Variants in EYS observed in about 807,000 individuals in gnomAD.
EYS encodes EGF-like photoreceptor maintenance factor.
EYS carries 250 observed loss-of-function variants against 282.1 expected under a neutral mutation model. That is an observed-to-expected ratio of 0.89 (90% confidence interval 0.80 to 0.98). The LOEUF (loss-of-function observed/expected upper bound fraction) is 0.98, where lower values mean the gene tolerates loss of function less well. Ranked by LOEUF, EYS falls within the 50% of genes least tolerant of loss-of-function variation. EYS has a pLI of 0.00. For missense variants in EYS, 4,016 were observed against 3,709.0 expected (o/e 1.08, Z -2.15); for synonymous variants, 1,355 against 1,282.9 (o/e 1.06, Z -1.20).
intron 2 of EYS, among the ~76,000 whole-genome samples, chr6:65,626,153 C>T (rs775078424): frequency 3.0e-4 from 45 of 152,196 alleles, no homozygotes; most frequent in South Asian, 6.2e-4. Flanking sequence ...ACCTCCTAGA[C>T]GATGATACAA....
chr6:64,194,571 AC>A (rs1366407637), intron 31 of EYS, among the ~76,000 whole-genome samples: 1 of 152,064 alleles, frequency 6.6e-6, no homozygotes, highest in Admixed American at 6.6e-5. Flanking sequence ...TATTACAATT[AC>A]CTTTTGGTTT....
chr6:64,949,883 T>C (rs1769425204), intron 14 of EYS, among the ~76,000 whole-genome samples: 1 of 151,938 alleles, frequency 6.6e-6, no homozygotes, highest in Non-Finnish European at 1.5e-5. Context: ...GCCTTGAAGG[T>C]AGTAATAACT....
chr6:65,486,547 T>A (rs1765791195), intron 5 of EYS, among the ~76,000 whole-genome samples: 1 of 152,198 alleles, frequency 6.6e-6, no homozygotes, highest in Non-Finnish European at 1.5e-5. Context: ...TGAAGTTTAT[T>A]CCTCCATGAT....
chr6:65,415,204 T>A (rs1163533893), intron 5 of EYS, among the ~76,000 whole-genome samples: 17 of 151,802 alleles, frequency 1.1e-4, no homozygotes, highest in Admixed American at 7.9e-4. Context: ...ATGAGAAGAA[T>A]AAAAATGGAA....
chr6:65,355,353 G>T (rs1387718355), intron 8 of EYS, among the ~76,000 whole-genome samples: 1 of 151,828 alleles, frequency 6.6e-6, no homozygotes, highest in African/African-American at 2.4e-5. Context: ...ACCCCCAAAA[G>T]TATTGAAATA....
At chr6:64,640,899 G>C (rs9345334) in intron 22 of EYS, among the ~76,000 whole-genome samples, 18,598 of 152,102 alleles carry the variant, frequency 0.12, 1,349 homozygotes, top group East Asian at 0.25. Flanking sequence ...CAGAATCTAA[G>C]GTCAGCTGCC....
intron 2 of EYS, among the ~76,000 whole-genome samples, chr6:65,619,584 C>T (rs1434710871): frequency 6.6e-6 from 1 of 151,836 alleles, no homozygotes; most frequent in East Asian, 1.9e-4. Context: ...GAACTTCCAA[C>T]ACTATGTTGA....
intron 31 of EYS, among the ~76,000 whole-genome samples, chr6:64,179,425 T>C (rs925970937): frequency 2.0e-5 from 3 of 152,056 alleles, no homozygotes; most frequent in Non-Finnish European, 4.4e-5. Flanking sequence ...GTTTTTGAAA[T>C]AAGTAAAATA....
At chr6:64,126,945 A>G (rs1773807176) in intron 31 of EYS, among the ~76,000 whole-genome samples, 1 of 152,122 alleles carries the variant, frequency 6.6e-6, no homozygotes, top group Admixed American at 6.6e-5. Context: ...AGGCTCCAGT[A>G]AGACATAGAC....
chr6:64,604,573 G>A (rs566322268), intron 24 of EYS, among the ~76,000 whole-genome samples: 1 of 151,978 alleles, frequency 6.6e-6, no homozygotes, highest in Non-Finnish European at 1.5e-5. Flanking sequence ...CTGATAATTG[G>A]TAGTGAAAAC....
intron 41 of EYS, among the ~76,000 whole-genome samples, chr6:63,733,185 T>G (rs573029905): frequency 2.0e-5 from 3 of 152,182 alleles, no homozygotes; most frequent in African/African-American, 7.2e-5. Context: ...TCAGAGAGGT[T>G]ATGGGGACCA....
rs145276123 is a variant in EYS at position 63,782,586 on chromosome 6, C to T, written c.7724-4406G>A. Among the ~76,000 whole-genome samples the T allele has an allele frequency of 1.2e-3, 190 of 152,224 alleles. 3 individuals are homozygous for T. The East Asian group carries it at 0.029, about 24-fold the overall frequency. Reference sequence around the variant, plus strand: ...ATGGTAGTTGGTATTTCTGTGGGATCGGTGGTGATATCGCCTTCATCATTT... The same window carrying T: ...ATGGTAGTTGGTATTTCTGTGGGATTGGTGGTGATATCGCCTTCATCATTT... On this transcript the variant is annotated intron_variant, in intron 39 of 42. Transcript: ENST00000503581.
At chr6:64,010,772 G>A (rs187251337) in intron 33 of EYS, among the ~76,000 whole-genome samples, 2 of 152,092 alleles carry the variant, frequency 1.3e-5, no homozygotes, top group African/African-American at 4.8e-5. Context: ...CGGAATCTTC[G>A]CTAAAAGGTA....
chr6:65,270,670 A>C (rs1430089429), intron 12 of EYS, among the ~76,000 whole-genome samples: 2 of 152,150 alleles, frequency 1.3e-5, no homozygotes, highest in Admixed American at 6.6e-5. Flanking sequence ...GCACTTCTTC[A>C]ACATTTTGCT....
chr6:65,151,581 A>G (rs1003486971), intron 12 of EYS, among the ~76,000 whole-genome samples: 1 of 152,014 alleles, frequency 6.6e-6, no homozygotes, highest in Non-Finnish European at 1.5e-5. Context: ...TAACTAGAAG[A>G]ATAAGTATAA....
chr6:63,915,759 C>T (rs1764407001), intron 35 of EYS, among the ~76,000 whole-genome samples: 1 of 152,104 alleles, frequency 6.6e-6, no homozygotes, highest in Non-Finnish European at 1.5e-5. Context: ...TTCAGAACTT[C>T]AGTGGAGGAA....
chr6:64,768,347 T>C (rs1447018393), intron 22 of EYS, among the ~76,000 whole-genome samples: 1 of 152,158 alleles, frequency 6.6e-6, no homozygotes, highest in Non-Finnish European at 1.5e-5. Flanking sequence ...TGATTTTTAA[T>C]GTTGCCTTCA....
intron 31 of EYS, among the ~76,000 whole-genome samples, chr6:64,186,939 G>A (rs190012242): frequency 1.3e-5 from 2 of 152,218 alleles, no homozygotes; most frequent in East Asian, 1.9e-4. Context: ...CCGCTCCGAC[G>A]CACTTGGGGA....
intron 19 of EYS, among the ~76,000 whole-genome samples, chr6:64,845,525 A>ATCTC (rs142279105): frequency 0.53 from 78,166 of 147,484 alleles, 21,400 homozygotes; most frequent in Non-Finnish European, 0.61. Context: ...ACAAAAAATA[A>ATCTC]TCTCTCTCTC....
Sources: allele counts gnomAD v4.1 joint callset (sites outside exome capture counted in the v4.1 genomes callset), GRCh38; gene constraint gnomAD v4.1.1; transcripts MANE v1.5; gene names NCBI Gene and HGNC (gene_info 2026-07-23, HGNC 2026-07-21).